Variants in ROBO1 observed in about 807,000 individuals in gnomAD.
ROBO1 encodes roundabout guidance receptor 1.
In ROBO1, 149 loss-of-function variants were observed where a neutral mutation model predicts 195.9. The observed-to-expected ratio is 0.76, with a 90% CI of 0.67 to 0.87. The LOEUF (loss-of-function observed/expected upper bound fraction) is 0.87, where lower values mean the gene tolerates loss of function less well. ROBO1 is among the 40% of genes least tolerant of loss of function. The pLI is 0.00. For missense variants in ROBO1, 1,933 were observed against 2,068.3 expected, an observed-to-expected ratio of 0.93 and a Z score of 1.27; for synonymous variants, 816 against 733.2, an observed-to-expected ratio of 1.11 and a Z score of -1.82.
At chr3:79,083,229 T>C (rs1276586400) in intron 3 of ROBO1, among the ~76,000 whole-genome samples, 2 of 151,992 alleles carry the variant, frequency 1.3e-5, no homozygotes, top group Non-Finnish European at 2.9e-5. Context: ...TGCGAAGAGT[T>C]ACCAGGAAAG....
Position 79,735,883 on chromosome 3 carries a change from A to C in ROBO1, c.-51+31869T>G, listed in dbSNP as rs940149414. On this transcript the variant is annotated intron_variant, in intron 1 of 30. Coordinates refer to ENST00000464233, the MANE Select transcript of ROBO1 (RefSeq NM_002941.4). ...GAGACTCCGTCTCAAAAAAAAAAAA[A>C]AAACAAAAAAAAAACAAAAAATGCC... Among the ~76,000 whole-genome samples, 10 of 98,322 alleles carry C rather than the reference A, an allele frequency of 1.0e-4. No individual in the cohort carries two copies. In the East Asian group the frequency reaches 2.0e-3, roughly 19 times the overall value. The allele number at this position is 98,322 out of a possible 152,430, so 64.5% of individuals were successfully genotyped here. A position where few individuals can be genotyped will look rare whatever the true frequency, so the allele number is the denominator to read the frequency against.
At chr3:79,081,232 T>C (rs796637356) in intron 3 of ROBO1, among the ~76,000 whole-genome samples, 32 of 152,042 alleles carry the variant, frequency 2.1e-4, no homozygotes, top group African/African-American at 7.7e-4. Context: ...GCTATAGATA[T>C]TGATGCAAAC....
chr3:79,169,826 A>C (rs1434757991), intron 2 of ROBO1, among the ~76,000 whole-genome samples: 1 of 152,188 alleles, frequency 6.6e-6, no homozygotes, highest in Non-Finnish European at 1.5e-5. Flanking sequence ...TACCAAAAGC[A>C]TAATAAAAGG....
chr3:79,089,360 A>G (rs893601646), intron 3 of ROBO1, among the ~76,000 whole-genome samples: 15 of 152,122 alleles, frequency 9.9e-5, no homozygotes, highest in Non-Finnish European at 1.9e-4. Context: ...TTCCAGGTCA[A>G]TGACTAAAAA....
At chr3:78,939,234 C>G (rs2039989059) in intron 3 of ROBO1, among the ~76,000 whole-genome samples, 1 of 152,130 alleles carries the variant, frequency 6.6e-6, no homozygotes, top group Admixed American at 6.5e-5. Context: ...ATGCATGTGT[C>G]CATTTCTGCA....
At position 78,668,199 on chromosome 3, in the gene ROBO1, T is replaced by C. The variant is rs771922373; in HGVS notation, c.1734A>G (p.Thr578=). Residue 578 remains threonine, a synonymous_variant, in exon 13 of 31, where the codon ACA becomes ACG. Coordinates refer to ENST00000464233, the MANE Select transcript of ROBO1 (RefSeq NM_002941.4). ...EVTDVSRNTV[T]LSWQPNLNSG... ...AATTCAAATTTGGTTGCCACGATAATGTGACTGTATTTCTGCTGACATCTG... is the reference window on the plus strand; with the variant it reads ...AATTCAAATTTGGTTGCCACGATAACGTGACTGTATTTCTGCTGACATCTG... 1.9e-6 allele frequency: 3 copies of C among 1,613,574 alleles called. No individual in the cohort carries two copies. Among genetic ancestry groups the C allele is most frequent in the Middle Eastern group, 1.6e-4 (1 of 6,062 alleles).
chr3:79,591,949 T>C (rs982071909), intron 1 of ROBO1, among the ~76,000 whole-genome samples: 1 of 151,822 alleles, frequency 6.6e-6, no homozygotes, highest in Non-Finnish European at 1.5e-5. Flanking sequence ...TCTGATTTCT[T>C]AAATGTGTAT....
intron 24 of ROBO1, among the ~76,000 whole-genome samples, chr3:78,632,958 T>C (rs960013979): frequency 6.6e-6 from 1 of 152,178 alleles, no homozygotes; most frequent in Non-Finnish European, 1.5e-5. Flanking sequence ...TAACATATAA[T>C]AGAATCAGAG....
chr3:79,585,201 T>C (rs1413100781), intron 2 of ROBO1, among the ~76,000 whole-genome samples: 1 of 151,936 alleles, frequency 6.6e-6, no homozygotes, highest in African/African-American at 2.4e-5. Context: ...GTTATTAGTT[T>C]CTTTTTATAG....
intron 8 of ROBO1, among the ~76,000 whole-genome samples, chr3:78,711,392 TTCCTTC>T (rs1559773472): frequency 1.0e-3 from 50 of 49,354 alleles, no homozygotes; most frequent in Non-Finnish European, 1.6e-3. Flanking sequence ...CCTTCCTTCC[TTCCTTC>T]CTTTCTTTCT....
At chr3:78,964,526 C>T (rs536091441) in intron 3 of ROBO1, among the ~76,000 whole-genome samples, 2 of 152,150 alleles carry the variant, frequency 1.3e-5, no homozygotes, top group South Asian at 4.2e-4. Context: ...TTGTTCTTAG[C>T]CTAATAGCAA....
chr3:78,885,076 A>G (rs1038328266), intron 4 of ROBO1, among the ~76,000 whole-genome samples: 1 of 152,014 alleles, frequency 6.6e-6, no homozygotes, highest in African/African-American at 2.4e-5. Context: ...CTATGCAGCC[A>G]TAAAAAAGAA....
chr3:79,336,821 AC>A (rs1156484389), intron 2 of ROBO1, among the ~76,000 whole-genome samples: 3 of 152,204 alleles, frequency 2.0e-5, no homozygotes, highest in Non-Finnish European at 4.4e-5. Context: ...GGGGGGCTGT[AC>A]CCTGCAAAGC....
intron 2 of ROBO1, among the ~76,000 whole-genome samples, chr3:79,561,055 T>C (rs1362812165): frequency 6.6e-6 from 1 of 152,178 alleles, no homozygotes; most frequent in Non-Finnish European, 1.5e-5. Flanking sequence ...GACAGCCTTC[T>C]TTAAGTGATT....
chr3:78,805,937 A>C (rs2084525167), intron 4 of ROBO1, among the ~76,000 whole-genome samples: 1 of 152,034 alleles, frequency 6.6e-6, no homozygotes, highest in Admixed American at 6.6e-5. Flanking sequence ...ATAGACTTCA[A>C]AAAACTTTTA....
At chr3:78,616,923 T>C (rs917796143) in intron 27 of ROBO1, among the ~76,000 whole-genome samples, 5 of 152,114 alleles carry the variant, frequency 3.3e-5, no homozygotes, top group African/African-American at 1.2e-4. Flanking sequence ...AAGATGAATA[T>C]ATGGTAATTA....
chr3:78,961,852 T>C lies in ROBO1; in HGVS notation c.173-22925A>G, dbSNP rs76504327. ...AAGAAAACTACAAAACACACTTTTGTTGTATGTGGTAGTTGGGAGGAGAGA... is the reference window on the plus strand; with the variant it reads ...AAGAAAACTACAAAACACACTTTTGCTGTATGTGGTAGTTGGGAGGAGAGA... On this transcript the variant is annotated intron_variant, in intron 3 of 30. Transcript: ENST00000464233. 2.5e-3 allele frequency among the ~76,000 whole-genome samples: 380 copies of C among 152,202 alleles called. 1 individual carries two copies. The highest frequency in any genetic ancestry group is 8.8e-3 in the African/African-American group (365 of 41,542).
At chr3:79,136,488 A>T (rs1488063783) in intron 2 of ROBO1, among the ~76,000 whole-genome samples, 3 of 152,206 alleles carry the variant, frequency 2.0e-5, no homozygotes, top group African/African-American at 7.2e-5. Context: ...AAATGAATAT[A>T]AACTACTATC....
chr3:79,052,491 C>A (rs2078720477), intron 3 of ROBO1, among the ~76,000 whole-genome samples: 1 of 152,044 alleles, frequency 6.6e-6, no homozygotes, highest in Non-Finnish European at 1.5e-5. Context: ...ATTTTATTGC[C>A]TTTGAAGTAT....
Sources: gnomAD v4.1 joint callset for allele counts (sites outside exome capture counted in the v4.1 genomes callset) on GRCh38, gnomAD v4.1.1 for gene constraint, MANE v1.5 for transcripts, NCBI Gene and HGNC (gene_info 2026-07-23, HGNC 2026-07-21) for gene names.